The following TMEM267 variants were observed in gnomAD, a reference collection of about 807,000 sequenced individuals.
TMEM267 encodes the protein transmembrane protein 267, also known as transmembrane protein C5orf28.
TMEM267 carries 20 observed loss-of-function variants against 19.3 expected under a neutral mutation model. The observed-to-expected ratio is 1.04, with a 90% CI of 0.73 to 1.51. The LOEUF (loss-of-function observed/expected upper bound fraction) is 1.51. Ranked by LOEUF, TMEM267 falls within the 40% of genes most tolerant of loss-of-function variation. The probability of loss-of-function intolerance (pLI) is 0.00; values close to 1 mark genes in which losing one functional copy is unlikely to be tolerated. For synonymous variants in TMEM267, 88 were observed against 90.3 expected, an observed-to-expected ratio of 0.97 and a Z score of 0.15; for missense variants, 242 against 261.9, an observed-to-expected ratio of 0.92 and a Z score of 0.52.
rs1179146321 is a variant in TMEM267, at chr5:43,453,639, T to C, written c.312+19A>G. The C allele has an allele frequency of 6.3e-7, 1 of 1,598,624 alleles. No individual in the cohort carries two copies. Among genetic ancestry groups the C allele is most frequent in the Non-Finnish European group, 8.5e-7 (1 of 1,173,754 alleles). ...CTAAGGAAATTAAAGATCAGAAAAA[T>C]TAAGCCTATGCTTTTTACCTTTAAA... On this transcript the variant is annotated intron_variant, in intron 2 of 2. Transcript: ENST00000397080.
chr5:43,452,585 T>TAAAAA (rs35189144), intron 2 of TMEM267, among the ~76,000 whole-genome samples: 1 of 123,896 alleles, frequency 8.1e-6, no homozygotes. Flanking sequence ...CCTAAATCCA[T>TAAAAA]AAAAAAAAAA....
At chr5:43,476,484 T>A (rs1215923256) in intron 1 of TMEM267, among the ~76,000 whole-genome samples, 2 of 140,788 alleles carry the variant, frequency 1.4e-5, no homozygotes, top group Non-Finnish European at 3.1e-5. Flanking sequence ...CTTTGATGGA[T>A]CCTAACTGAT....
intron 1 of TMEM267, among the ~76,000 whole-genome samples, chr5:43,463,365 G>A (rs1743397145): frequency 6.6e-6 from 1 of 152,174 alleles, no homozygotes. Context: ...GAGGTACAAG[G>A]AGGAGCTGGT....
rs7732460 is a variant in TMEM267 at position 43,480,009 on chromosome 5, C to T, written c.-75+3813G>A. The T allele has an allele frequency of 8.1e-3, 2,642 of 327,352 alleles. 49 individuals carry two copies. The highest frequency in any genetic ancestry group is 0.039 in the African/African-American group (1,694 of 43,812). 20.3% of individuals were successfully genotyped at this position (327,352 alleles called of 1,614,324 possible). A position where few individuals can be genotyped will look rare whatever the true frequency, so the allele number is the denominator to read the frequency against. On this transcript the variant is annotated intron_variant, in intron 1 of 2. Coordinates refer to ENST00000397080, the MANE Select transcript of TMEM267 (RefSeq NM_022483.5). ...ACACCTGAATGGATAAAGAAGTCAA[C>T]ATATTTAAATATTTAATGCATATAA...
chr5:43,478,230 T>G (rs1744543915), intron 1 of TMEM267, among the ~76,000 whole-genome samples: 1 of 152,212 alleles, frequency 6.6e-6, no homozygotes, highest in Non-Finnish European at 1.5e-5. Flanking sequence ...CAACTTTCAG[T>G]CTGTATAATG....
intron 1 of TMEM267, chr5:43,479,784 T>C (rs943293334): frequency 8.0e-6 from 3 of 375,694 alleles, no homozygotes; most frequent in Non-Finnish European, 1.5e-5. Context: ...CTCTAAAGCA[T>C]TAAGATGGAT....
intron 1 of TMEM267, among the ~76,000 whole-genome samples, chr5:43,468,276 A>G (rs185845865): frequency 6.6e-4 from 100 of 152,320 alleles, no homozygotes; most frequent in African/African-American, 1.9e-3. Flanking sequence ...GGCATTATCA[A>G]TCAGATGAAT....
chr5:43,448,853 T>G (rs1245784069), intron 2 of TMEM267, among the ~76,000 whole-genome samples: 1 of 148,242 alleles, frequency 6.7e-6, no homozygotes, highest in East Asian at 2.0e-4. Flanking sequence ...AAAAAAAAAT[T>G]TTTTTTAAAC....
rs138750235 is a variant in TMEM267 at position 43,448,144 on chromosome 5, A to G, written c.313-1587T>C. 6.2e-4 allele frequency among the ~76,000 whole-genome samples: 94 copies of G among 152,308 alleles called. 1 individual carries two copies. Among genetic ancestry groups the G allele is most frequent in the African/African-American group, 2.2e-3 (91 of 41,566 alleles). On this transcript the variant is annotated intron_variant, in intron 2 of 2. Coordinates refer to ENST00000397080, the MANE Select transcript of TMEM267 (RefSeq NM_022483.5). ...ACCACCCTTGAACAAGGAATCCTAT[A>G]AACCCTCTCCTCAAACGAGTATTCT...
chr5:43,453,562 A>T, intron 2 of TMEM267, 96 bp downstream of exon 2: 1 of 1,142,224 alleles, frequency 8.8e-7, no homozygotes, highest in East Asian at 2.5e-5. Context: ...TCCTATTTTA[A>T]GACAAATCCT....
intron 1 of TMEM267, among the ~76,000 whole-genome samples, chr5:43,483,561 C>T (rs1554034667): frequency 1.3e-5 from 2 of 152,166 alleles, no homozygotes; most frequent in Non-Finnish European, 1.5e-5. Flanking sequence ...CTAGAAAAAG[C>T]GCGAAGCCGG....
chr5:43,474,557 C>T (rs1197438411), intron 1 of TMEM267, among the ~76,000 whole-genome samples: 1 of 151,992 alleles, frequency 6.6e-6, no homozygotes, highest in East Asian at 1.9e-4. Flanking sequence ...GTCGGGAGTT[C>T]GAGACCAGCC....
chr5:43,465,159 C>A (rs1256620201), intron 1 of TMEM267, among the ~76,000 whole-genome samples: 1 of 152,198 alleles, frequency 6.6e-6, no homozygotes, highest in Non-Finnish European at 1.5e-5. Context: ...TATGAACAGA[C>A]CCTTCTCAAA....
chr5:43,449,883 C>T (rs944226407), intron 2 of TMEM267, among the ~76,000 whole-genome samples: 2 of 152,074 alleles, frequency 1.3e-5, no homozygotes, highest in East Asian at 3.8e-4. Flanking sequence ...CATACTGATT[C>T]TTTACACTCT....
chr5:43,456,204 G>C (rs1247600916), intron 1 of TMEM267, among the ~76,000 whole-genome samples: 8 of 152,032 alleles, frequency 5.3e-5, no homozygotes, highest in African/African-American at 1.9e-4. Context: ...TTCAACAAAT[G>C]GTGTGAGAAC....
intron 1 of TMEM267, among the ~76,000 whole-genome samples, chr5:43,464,371 C>T (rs1187682259): frequency 1.3e-5 from 2 of 151,944 alleles, no homozygotes; most frequent in African/African-American, 2.4e-5. Context: ...GTGAAAATGG[C>T]CATACTGCCC....
intron 1 of TMEM267, among the ~76,000 whole-genome samples, chr5:43,473,620 C>G (rs1744219194): frequency 6.6e-6 from 1 of 152,124 alleles, no homozygotes; most frequent in South Asian, 2.1e-4. Flanking sequence ...AGGACACAAA[C>G]AAATGGAAAA....
chr5:43,461,044 G>C lies in TMEM267; in HGVS notation c.-74-7001C>G, dbSNP rs187292294. 3.9e-5 allele frequency among the ~76,000 whole-genome samples: 6 copies of C among 152,286 alleles called. No homozygotes were observed. The East Asian group carries it at 9.7e-4, about 25-fold the overall frequency. On this transcript the variant is annotated intron_variant, in intron 1 of 2. Coordinates refer to ENST00000397080, the MANE Select transcript of TMEM267 (RefSeq NM_022483.5). ...CACCTAACCCCATGCTGCACATCTT[G>C]AGGCTCCAAAAGAGACCCCTTCTTT...
chr5:43,454,827 T>C (rs1182982085), intron 1 of TMEM267, among the ~76,000 whole-genome samples: 1 of 152,220 alleles, frequency 6.6e-6, no homozygotes, highest in Non-Finnish European at 1.5e-5. Context: ...AATGCAATCA[T>C]AATTCTATGC....
Sources: gnomAD v4.1 joint callset for allele counts (sites outside exome capture counted in the v4.1 genomes callset) on GRCh38, gnomAD v4.1.1 for gene constraint, MANE v1.5 for transcripts, NCBI Gene and HGNC (gene_info 2026-07-23, HGNC 2026-07-21) for gene names.